The following COL5A1 variants were observed in gnomAD, a reference collection of about 807,000 sequenced individuals.
The protein encoded by COL5A1 is collagen alpha-1(V) chain.
A neutral mutation model predicts 263.7 loss-of-function variants in COL5A1; 16 were observed. That is an observed-to-expected ratio of 0.06 (90% CI 0.04 to 0.09). COL5A1 has a LOEUF of 0.09. Ranked by LOEUF, COL5A1 falls within the 10% of genes least tolerant of loss-of-function variation. The pLI, the probability that COL5A1 is intolerant of heterozygous loss-of-function variation, is 1.00. For missense variants in COL5A1, 2,036 were observed against 2,540.5 expected, an observed-to-expected ratio of 0.80 and a Z score of 4.27; for synonymous variants, 1,012 against 1,004.5, an observed-to-expected ratio of 1.01 and a Z score of -0.14.
At chr9:134,727,212 C>T in intron 4 of COL5A1, 54 bp from the exon 5 acceptor site, 1 of 1,600,450 alleles carries the variant, frequency 6.2e-7, no homozygotes, top group Non-Finnish European at 8.5e-7. Context: ...TCTCCCAGGT[C>T]CCCATGCGAG....
rs1245402306 is a variant in COL5A1, at chr9:134,765,811, G to C, written c.2088+77G>C. ...CCCGCCTCCCAGCCGGTGGACGCTT[G>C]GGCACTGGGGCAGCAAGTCCGTGCT... is the stretch of plus-strand genomic sequence containing the variant. On this transcript the variant is annotated intron_variant, in intron 21 of 65. Coordinates refer to ENST00000371817, the MANE Select transcript of COL5A1 (RefSeq NM_000093.5). This position sits in a 1 kb window ranked among gnomAD's most constrained non-coding sequence, Gnocchi z 5.1. The C allele has an allele frequency of 1.4e-5, 18 of 1,261,786 alleles. No individual in the cohort carries two copies. The African/African-American group carries it at 1.5e-4, about 10-fold the overall frequency. 78.2% of individuals were successfully genotyped at this position (1,261,786 alleles called of 1,614,324 possible). A position where few individuals can be genotyped will look rare whatever the true frequency, so the allele number is the denominator to read the frequency against.
intron 31 of COL5A1, among the ~76,000 whole-genome samples, chr9:134,786,383 A>G (rs1837460030): frequency 6.6e-6 from 1 of 152,116 alleles, no homozygotes. Context: ...CTTCTGCATT[A>G]ATTTGCCGAG....
At chr9:134,822,725 C>T (rs1195778716) in intron 59 of COL5A1, among the ~76,000 whole-genome samples, 1 of 150,216 alleles carries the variant, frequency 6.7e-6, no homozygotes, top group East Asian at 1.9e-4. Flanking sequence ...GCTGCGCCCC[C>T]CCCGCGGCTG....
rs781596621 is a variant in COL5A1, at chr9:134,700,149, C to G, written c.491+27C>G. On this transcript the variant is annotated intron_variant, in intron 3 of 65. Transcript: ENST00000371817. This position sits in a 1 kb window ranked among gnomAD's most constrained non-coding sequence, Gnocchi z 4.0. ...TAAGTGGGCACTTCTGGGCAACTGT[C>G]CCCCTGCTGGAGGGGGGATCAGGCC... The G allele has an allele frequency of 6.3e-7, 1 of 1,592,900 alleles. No homozygotes were observed. The highest frequency in any genetic ancestry group is 1.7e-5 in the Admixed American group (1 of 59,930).
chr9:134,684,959 T>C (rs1414694263), intron 1 of COL5A1, among the ~76,000 whole-genome samples: 2 of 149,056 alleles, frequency 1.3e-5, no homozygotes, highest in Non-Finnish European at 3.0e-5. Flanking sequence ...CATCCATCCA[T>C]CCACCATCCA....
chr9:134,784,955 G>GAGGGCA (rs376936600), intron 29 of COL5A1, 34 bp from the exon 30 acceptor site: 7 of 1,502,178 alleles, frequency 4.7e-6, no homozygotes, highest in African/African-American at 4.2e-5. Context: ...TGTGCGGGGG[G>GAGGGCA]TGGTCTTCTC....
chr9:134,811,938 G>C (rs1038186135), intron 46 of COL5A1, among the ~76,000 whole-genome samples: 14 of 152,214 alleles, frequency 9.2e-5, no homozygotes, highest in African/African-American at 3.4e-4. Flanking sequence ...TTAAATGTGT[G>C]TATTCTCATG....
Position 134,748,665 on chromosome 9 carries a change from C to T in COL5A1, c.1495-1877C>T, listed in dbSNP as rs190597981. Among the ~76,000 whole-genome samples, 21 of 152,314 alleles carry T rather than the reference C, an allele frequency of 1.4e-4. 1 individual carries two copies. The East Asian group carries it at 3.8e-3, about 28-fold the overall frequency. ...AAAATGGCAGTTGGGAGCAATTGGG[C>T]AGTATCCATTAGCAATTCAGAAATA... On this transcript the variant is annotated intron_variant, in intron 11 of 65. Coordinates refer to ENST00000371817, the MANE Select transcript of COL5A1 (RefSeq NM_000093.5).
At chr9:134,791,395 C>T (rs546856435) in intron 32 of COL5A1, among the ~76,000 whole-genome samples, 6 of 152,206 alleles carry the variant, frequency 3.9e-5, no homozygotes, top group African/African-American at 1.4e-4. Context: ...CAGAGCCTCC[C>T]GTTCAGGACA....
chr9:134,685,293 C>CCAG (rs1832999877), intron 1 of COL5A1, among the ~76,000 whole-genome samples: 1 of 53,312 alleles, frequency 1.9e-5, no homozygotes, highest in Admixed American at 2.1e-4. Flanking sequence ...CATCCATCCA[C>CCAG]CATCCATCCA....
At chr9:134,832,455 G>A (rs1255851272) in intron 64 of COL5A1, among the ~76,000 whole-genome samples, 1 of 152,156 alleles carries the variant, frequency 6.6e-6, no homozygotes, top group Non-Finnish European at 1.5e-5. Context: ...TCTGGGCAGG[G>A]CTACCCACAC....
intron 44 of COL5A1, 191 bp downstream of exon 44, chr9:134,810,499 GTC>G (rs934128406): frequency 5.0e-6 from 3 of 599,504 alleles, no homozygotes; most frequent in Non-Finnish European, 9.0e-6. Flanking sequence ...CTGGGAGTGA[GTC>G]TCTCTGTGTT....
In COL5A1 at chr9:134,828,796, C is replaced by A. The variant is rs548426570; in HGVS notation, c.5068-1180C>A. On this transcript the variant is annotated intron_variant, in intron 63 of 65. Coordinates refer to ENST00000371817, the MANE Select transcript of COL5A1 (RefSeq NM_000093.5). The stretch of plus-strand genomic sequence containing the variant: ...ATCACAGATACACACCATACACAGA[C>A]ATTACACACAGATACCACACACACA... Among the ~76,000 whole-genome samples the A allele has an allele frequency of 4.6e-5, 7 of 150,834 alleles. No individual in the cohort carries two copies. The East Asian group carries it at 1.4e-3, about 30-fold the overall frequency.
Position 134,681,239 on chromosome 9 carries a change from C to G in COL5A1, c.110-9673C>G, listed in dbSNP as rs1209757354. On this transcript the variant is annotated intron_variant, in intron 1 of 65. Coordinates refer to ENST00000371817, the MANE Select transcript of COL5A1 (RefSeq NM_000093.5). The surrounding 1 kb of genome is among the most constrained non-coding windows in gnomAD (Gnocchi z 4.3). ...CGATGGCTCGGCCCTCAGCCCGGCC[C>G]TTCAAGAACTGTGGCTCTCTGGCTT... Among the ~76,000 whole-genome samples the G allele has an allele frequency of 6.6e-6, 1 of 152,344 alleles. No individual in the cohort carries two copies. The highest frequency in any genetic ancestry group is 1.5e-5 in the Non-Finnish European group (1 of 68,028).
intron 4 of COL5A1, among the ~76,000 whole-genome samples, chr9:134,701,614 G>A (rs577311085): frequency 1.1e-4 from 16 of 152,276 alleles, no homozygotes; most frequent in African/African-American, 3.6e-4. Context: ...GTGCTGGCTC[G>A]GAAAGGACAG....
chr9:134,665,115 C>G (rs1410721375), intron 1 of COL5A1, among the ~76,000 whole-genome samples: 1 of 151,422 alleles, frequency 6.6e-6, no homozygotes, highest in East Asian at 1.9e-4. Context: ...AGGAGAATCA[C>G]GTGAACCCTG....
rs149212775 is a variant in COL5A1 at position 134,824,696 on chromosome 9, G to C, written c.4795G>C (p.Glu1599Gln). Residue 1599 changes from glutamate to glutamine, a missense_variant, in exon 62 of 66, where the codon GAG becomes CAG. Coordinates refer to ENST00000371817, the MANE Select transcript of COL5A1 (RefSeq NM_000093.5). ...ASQLLDDGNG[E>Q]NYVDYADGME... ...CCAGCTGCTGGACGACGGGAATGGC[G>C]AGAACTACGTGGACTACGCGGACGG... 209 of 1,614,238 alleles carry C rather than the reference G, an allele frequency of 1.3e-4. 2 individuals are homozygous for C. In the African/African-American group the frequency reaches 2.3e-3, roughly 18 times the overall value.
rs931773206 is a variant in COL5A1 at position 134,652,797 on chromosome 9, CA to C, written c.109+10502del. 1 of 462,012 alleles carries C rather than the reference CA, an allele frequency of 2.2e-6. No homozygotes were observed. The highest frequency in any genetic ancestry group is 4.5e-6 in the Non-Finnish European group (1 of 221,610). The allele number at this position is 462,012 out of a possible 1,614,324, so 28.6% of individuals were successfully genotyped here. A position where few individuals can be genotyped will look rare whatever the true frequency, so the allele number is the denominator to read the frequency against. On this transcript the variant is annotated intron_variant, in intron 1 of 65. Transcript: ENST00000371817. This position sits in a 1 kb window ranked among gnomAD's most constrained non-coding sequence, Gnocchi z 4.4. Reference sequence around the variant, plus strand: ...CGTTTCTCCTCATGGTGTAGACCAGCAGTTCCCAAACTTTACCAGGCCCCAG... The same window carrying C: ...CGTTTCTCCTCATGGTGTAGACCAGCGTTCCCAAACTTTACCAGGCCCCAG...
In COL5A1 at chr9:134,841,242, C is replaced by T. The variant is rs1830095916; in HGVS notation, c.5371-915C>T. Among the ~76,000 whole-genome samples, 1 of 152,228 alleles carries T rather than the reference C, an allele frequency of 6.6e-6. No individual in the cohort carries two copies. The highest frequency in any genetic ancestry group is 2.4e-5 in the African/African-American group (1 of 41,460). ...CATCTGCCCAGGATGCGTTTGCAGG[C>T]TCCTGGTTTGCGGGAAAGGTGCGGC... On this transcript the variant is annotated intron_variant, in intron 65 of 65. Transcript: ENST00000371817. The surrounding 1 kb of genome is among the most constrained non-coding windows in gnomAD (Gnocchi z 4.8).
Sources: gnomAD v4.1 joint callset for allele counts (sites outside exome capture counted in the v4.1 genomes callset) on GRCh38, gnomAD v4.1.1 for gene constraint, Gnocchi (gnomAD v3.1) non-coding constraint, MANE v1.5 for transcripts, NCBI Gene and HGNC (gene_info 2026-07-23, HGNC 2026-07-21) for gene names.